The following MYOF variants were observed in gnomAD, a reference collection of about 807,000 sequenced individuals.
The protein encoded by MYOF is myoferlin, also known as fer-1-like 3, myoferlin.
MYOF carries 244 observed loss-of-function variants against 284.2 expected under a neutral mutation model. The ratio of observed to expected loss-of-function variants is 0.86; its 90% CI spans 0.77 to 0.95. MYOF has a LOEUF of 0.95. MYOF is among the 40% of genes least tolerant of loss of function. The pLI is 0.00. For missense variants in MYOF, 2,496 were observed against 2,560.6 expected (o/e 0.97, Z 0.54); for synonymous variants, 904 against 919.7 (o/e 0.98, Z 0.31).
chr10:93,330,005 T>C lies in MYOF; in HGVS notation c.4812-171A>G, dbSNP rs17477816. 0.23 allele frequency among the ~76,000 whole-genome samples: 34,434 copies of C among 152,046 alleles called. 5,103 individuals carry two copies. The highest frequency in any genetic ancestry group is 0.34 in the Non-Finnish European group (22,949 of 67,934). ...GGGTGGCTTGATAAATAGTACATACTAGAAATAAGAACAAGAAGAGAACAT... is the reference window on the plus strand; with the variant it reads ...GGGTGGCTTGATAAATAGTACATACCAGAAATAAGAACAAGAAGAGAACAT... On this transcript the variant is annotated intron_variant, in intron 43 of 53. Coordinates refer to ENST00000359263, the MANE Select transcript of MYOF (RefSeq NM_013451.4).
rs756446736 is a variant in MYOF, at chr10:93,409,657, C to T, written c.516G>A (p.Thr172=). ...RGPGPKGPVG[T]VSEAQLARRL... ...TCCGAGCAAGCTGAGCTTCCGACAC[C>T]GTCCCAACTGGCCCCTTGGGCCCAG... Residue 172 remains threonine, a synonymous_variant, in exon 6 of 54, where the codon ACG becomes ACA. Coordinates refer to ENST00000359263, the MANE Select transcript of MYOF (RefSeq NM_013451.4). 8.7e-6 allele frequency: 14 copies of T among 1,614,126 alleles called. No homozygotes were observed. The East Asian group carries it at 8.9e-5, about 10-fold the overall frequency.
At chr10:93,457,928 G>C (rs2056784105) in intron 1 of MYOF, among the ~76,000 whole-genome samples, 1 of 148,936 alleles carries the variant, frequency 6.7e-6, no homozygotes, top group Non-Finnish European at 1.5e-5. Context: ...TTTTTCACTA[G>C]AGATGGGGTT....
chr10:93,351,943 G>T, intron 32 of MYOF, 97 bp from the exon 33 acceptor site: 2 of 1,180,092 alleles, frequency 1.7e-6, no homozygotes, highest in Non-Finnish European at 2.3e-6. Context: ...TGGATATAAT[G>T]ACAGTGGGCT....
chr10:93,389,908 G>A (rs1257290088), intron 17 of MYOF, among the ~76,000 whole-genome samples: 1 of 152,216 alleles, frequency 6.6e-6, no homozygotes, highest in Non-Finnish European at 1.5e-5. Flanking sequence ...GGATGGACTT[G>A]TCTCCAGAAG....
rs748110965 is a variant in MYOF at position 93,355,664 on chromosome 10, C to T, written c.3367G>A (p.Gly1123Arg). 1.3e-5 allele frequency: 21 copies of T among 1,612,112 alleles called. No individual in the cohort carries two copies. The East Asian group carries it at 2.0e-4, about 15-fold the overall frequency. The change falls in exon 31 of 54, where the codon GGA becomes AGA. Residue 1123 changes from glycine to arginine, a missense_variant. By Grantham distance (125) the Gly-to-Arg change is moderately radical. Coordinates refer to ENST00000359263, the MANE Select transcript of MYOF (RefSeq NM_013451.4). ...KQKHSATTVF[G>R]ANTPIVSCNF... Reference sequence around the variant, plus strand: ...CAGGAAACAATGGGGGTGTTTGCTCCGAACACAGTGGTGGCACTGTGCTTC... The same window carrying T: ...CAGGAAACAATGGGGGTGTTTGCTCTGAACACAGTGGTGGCACTGTGCTTC...
chr10:93,389,538 T>C (rs1165100051), intron 17 of MYOF, among the ~76,000 whole-genome samples: 1 of 152,248 alleles, frequency 6.6e-6, no homozygotes, highest in African/African-American at 2.4e-5. Context: ...ACATATTTTA[T>C]GAACTTTATT....
At chr10:93,361,123 G>C (rs769615903) in intron 28 of MYOF, among the ~76,000 whole-genome samples, 8 of 152,174 alleles carry the variant, frequency 5.3e-5, no homozygotes, top group Admixed American at 1.3e-4. Context: ...GTAGAGGGAG[G>C]ATGGCTAGAT....
At chr10:93,428,006 C>T (rs1848671000) in intron 4 of MYOF, among the ~76,000 whole-genome samples, 1 of 151,954 alleles carries the variant, frequency 6.6e-6, no homozygotes, top group African/African-American at 2.4e-5. Context: ...AAAAGAGAGG[C>T]ATTTTAACAC....
intron 49 of MYOF, among the ~76,000 whole-genome samples, chr10:93,318,122 G>A (rs1404557481): frequency 6.6e-6 from 1 of 152,150 alleles, no homozygotes; most frequent in Non-Finnish European, 1.5e-5. Context: ...CTGAAAGTGT[G>A]CATTTTTGAT....
intron 48 of MYOF, among the ~76,000 whole-genome samples, chr10:93,322,829 A>C (rs1455282845): frequency 1.3e-5 from 2 of 152,210 alleles, no homozygotes; most frequent in African/African-American, 4.8e-5. Context: ...CCATTTTGTC[A>C]AAAAGGAAAC....
At chr10:93,459,403 G>A (rs1312450910) in intron 1 of MYOF, among the ~76,000 whole-genome samples, 1 of 152,224 alleles carries the variant, frequency 6.6e-6, no homozygotes, top group Non-Finnish European at 1.5e-5. Flanking sequence ...GCCAGGCTGT[G>A]CATTCTACCA....
intron 38 of MYOF, among the ~76,000 whole-genome samples, chr10:93,342,938 G>A (rs1181601023): frequency 6.6e-6 from 1 of 152,218 alleles, no homozygotes; most frequent in Non-Finnish European, 1.5e-5. Context: ...GTTTGTGACT[G>A]TGTAGGATTC....
rs973995903 is a variant in MYOF, at chr10:93,374,938, G to C, written c.2126C>G (p.Thr709Arg). 2.5e-6 allele frequency: 4 copies of C among 1,612,914 alleles called. No homozygotes were observed. Among genetic ancestry groups the C allele is most frequent in the Non-Finnish European group, 3.4e-6 (4 of 1,179,680 alleles). The change falls in exon 23 of 54, where the codon ACA becomes AGA. Residue 709 changes from threonine to arginine, a missense_variant. By Grantham distance (71) the Thr-to-Arg change is moderately conservative. Around this residue, in one of 3 missense-constraint regions of MYOF, gnomAD observed 2,436 missense variants for 2,480.7 expected, o/e 0.98. Transcript: ENST00000359263. Reference sequence around the variant, plus strand: ...AACTGTGACGTTGGCTTTTCCTTCTGTGAGAGGCAACGTGTATCTAGAAAA... The same window carrying C: ...AACTGTGACGTTGGCTTTTCCTTCTCTGAGAGGCAACGTGTATCTAGAAAA... Reference protein sequence around the residue: ...IEDTRYTLPLTEGKANVTVLD... With the variant: ...IEDTRYTLPLREGKANVTVLD...
intron 1 of MYOF, among the ~76,000 whole-genome samples, chr10:93,464,857 G>A (rs1007462996): frequency 1.3e-5 from 2 of 152,192 alleles, no homozygotes; most frequent in African/African-American, 2.4e-5. Context: ...TCAGCCAAGA[G>A]TCTACATTTG....
At chr10:93,452,885 G>C (rs865885365) in intron 2 of MYOF, among the ~76,000 whole-genome samples, 10 of 151,842 alleles carry the variant, frequency 6.6e-5, no homozygotes, top group Middle Eastern at 3.4e-3. Context: ...CACCATGGTC[G>C]GTCAATGCTA....
Position 93,401,544 on chromosome 10 carries a change from G to A in MYOF, c.991C>T (p.Pro331Ser). The change falls in exon 12 of 54, where the codon CCT becomes TCT. Residue 331 changes from proline (P) to serine (S), a missense_variant and splice_region_variant. Physicochemically the swap from Pro to Ser is moderately conservative, Grantham distance 74. This residue lies in a region of MYOF where 2,436 missense variants were observed against 2,480.7 expected (regional missense o/e 0.98). Coordinates refer to ENST00000359263, the MANE Select transcript of MYOF (RefSeq NM_013451.4). The stretch of plus-strand genomic sequence containing the variant: ...TCATTATCACGATCTCGTCTCTCAG[G>A]CTATTAGGGGCACATGATTTAAATT... ...FVLGTGDEPP[P>S]ERRDRDNDSD... 6.2e-7 allele frequency: 1 copy of A among 1,613,710 alleles called. No homozygotes were observed. Among genetic ancestry groups the A allele is most frequent in the East Asian group, 2.2e-5 (1 of 44,882 alleles).
chr10:93,431,218 G>A (rs1442707745), intron 4 of MYOF, among the ~76,000 whole-genome samples, 190 bp downstream of exon 4: 3 of 151,954 alleles, frequency 2.0e-5, no homozygotes, highest in African/African-American at 7.3e-5. Context: ...TAGTTGGGAT[G>A]GGGTTTCGGC....
chr10:93,424,928 C>CTTTTTT (rs1433325912), intron 5 of MYOF, among the ~76,000 whole-genome samples: 2 of 92,728 alleles, frequency 2.2e-5, no homozygotes, highest in East Asian at 2.6e-3. Context: ...GGGAGAATTC[C>CTTTTTT]ATTTTTTTTT....
At chr10:93,368,560 T>G (rs926700500) in intron 25 of MYOF, among the ~76,000 whole-genome samples, 2 of 152,124 alleles carry the variant, frequency 1.3e-5, no homozygotes, top group African/African-American at 2.4e-5. Flanking sequence ...CCCTAAAAGC[T>G]CCGATGGACA....
Sources: gnomAD v4.1 joint callset for allele counts (sites outside exome capture counted in the v4.1 genomes callset) on GRCh38, gnomAD v4.1.1 for gene constraint, gnomAD v4.1.1 regional missense constraint, MANE v1.5 for transcripts, NCBI Gene and HGNC (gene_info 2026-07-23, HGNC 2026-07-21) for gene names.